LCOR: variants seen among roughly 807,000 people sequenced by gnomAD.
LCOR encodes the protein ligand dependent nuclear receptor corepressor.
In LCOR, 14 loss-of-function variants were observed where a neutral mutation model predicts 64.4. The ratio of observed to expected loss-of-function variants is 0.22; its 90% CI spans 0.14 to 0.34. The LOEUF is 0.34. Ranked by LOEUF, LCOR falls within the 10% of genes least tolerant of loss-of-function variation. The pLI, the probability that LCOR is intolerant of heterozygous loss-of-function variation, is 1.00. For missense variants in LCOR, 1,686 were observed against 1,765.3 expected (o/e 0.96, Z 0.80); for synonymous variants, 643 against 642.5 (o/e 1.00, Z -0.01).
At chr10:96,951,960 A>G in intron 6 of LCOR, 143 bp from the exon 7 acceptor site, 1 of 588,792 alleles carries the variant, frequency 1.7e-6, no homozygotes, top group Non-Finnish European at 3.0e-6. Context: ...TCAGGATTTA[A>G]TTGATTTTAT....
intron 2 of LCOR, among the ~76,000 whole-genome samples, chr10:96,889,041 T>C (rs866730486): frequency 3.0e-4 from 46 of 152,348 alleles, no homozygotes; most frequent in African/African-American, 1.1e-3. Flanking sequence ...AAGGTGTGTA[T>C]AATTCAGGAG....
At chr10:96,961,058 A>G (rs1847871596) in intron 7 of LCOR, 1 of 152,156 alleles carries the variant, frequency 6.6e-6, no homozygotes, top group Admixed American at 6.5e-5. Context: ...AGGGTGGAGT[A>G]GGATGGAAAA....
chr10:96,897,462 A>G (rs948471531), intron 2 of LCOR, among the ~76,000 whole-genome samples: 1 of 152,214 alleles, frequency 6.6e-6, no homozygotes, highest in Admixed American at 6.5e-5. Flanking sequence ...ATTAACCTAG[A>G]CAGTTTGATA....
At chr10:96,916,806 G>T (rs1362211487) in intron 4 of LCOR, among the ~76,000 whole-genome samples, 1 of 151,950 alleles carries the variant, frequency 6.6e-6, no homozygotes, top group Non-Finnish European at 1.5e-5. Flanking sequence ...GTAGAGATGG[G>T]GTTTCACCAT....
chr10:96,844,022 C>A (rs1845584244), intron 2 of LCOR, among the ~76,000 whole-genome samples: 1 of 152,080 alleles, frequency 6.6e-6, no homozygotes, highest in Non-Finnish European at 1.5e-5. Context: ...CGTAATCACT[C>A]AGCTAAAATG....
At chr10:96,873,918 G>A (rs1042509373) in intron 2 of LCOR, among the ~76,000 whole-genome samples, 2 of 152,110 alleles carry the variant, frequency 1.3e-5, no homozygotes, top group Admixed American at 1.3e-4. Context: ...GCATCATGGA[G>A]TTTTTAGAAA....
intron 7 of LCOR, among the ~76,000 whole-genome samples, chr10:96,974,155 T>C (rs1042305856): frequency 2.6e-5 from 4 of 152,258 alleles, no homozygotes; most frequent in African/African-American, 9.6e-5. Context: ...TTATGAATAT[T>C]ATCTTATCCT....
At chr10:96,932,277 T>C (rs892899751) in intron 4 of LCOR, among the ~76,000 whole-genome samples, 7 of 152,060 alleles carry the variant, frequency 4.6e-5, no homozygotes, top group African/African-American at 1.7e-4. Context: ...GCTTGGAAAA[T>C]TAAGTGTTAT....
chr10:96,941,179 A>C (rs1350333472), intron 4 of LCOR, among the ~76,000 whole-genome samples: 1 of 72,538 alleles, frequency 1.4e-5, no homozygotes, highest in African/African-American at 5.8e-5. Context: ...GCGGCTGGCC[A>C]GGCGGGGGGC....
At position 96,873,571 on chromosome 10, in the gene LCOR, C is replaced by CACGTGTGTGT. The variant is rs759335426; in HGVS notation, c.-329-33694_-329-33693insACGTGTGTGT. ...TTGTTTTTCGATACACACACACACACGTGTGTGTGTGTGTGTGTGTGTGTG... is the reference window on the plus strand; with the variant it reads ...TTGTTTTTCGATACACACACACACACACGTGTGTGTGTGTGTGTGTGTGTGTGTGTGTGTG... On this transcript the variant is annotated intron_variant, in intron 2 of 7. Transcript: ENST00000421806. Among the ~76,000 whole-genome samples the CACGTGTGTGT allele has an allele frequency of 1.6e-4, 20 of 126,384 alleles. No individual in the cohort carries two copies. In the East Asian group the frequency reaches 3.6e-3, roughly 23 times the overall value. 82.9% of individuals were successfully genotyped at this position (126,384 alleles called of 152,430 possible).
chr10:96,935,826 T>G (rs1485801997), intron 4 of LCOR, among the ~76,000 whole-genome samples: 2 of 152,110 alleles, frequency 1.3e-5, no homozygotes, highest in African/African-American at 2.4e-5. Context: ...CAGAGCAAGA[T>G]CCTGTCTTTA....
At chr10:96,887,955 A>G (rs932628536) in intron 2 of LCOR, among the ~76,000 whole-genome samples, 19 of 150,656 alleles carry the variant, frequency 1.3e-4, no homozygotes, top group African/African-American at 4.4e-4. Context: ...TGCTGGGATT[A>G]CAGGCATGAA....
chr10:96,869,091 A>T (rs986826993), intron 2 of LCOR, among the ~76,000 whole-genome samples: 5 of 152,022 alleles, frequency 3.3e-5, no homozygotes, highest in Admixed American at 3.3e-4. Flanking sequence ...TTTTTAGTAG[A>T]TACGGGGTTT....
rs1021393203 is a variant in LCOR at position 96,992,112 on chromosome 10, A to G, written c.*6978A>G. 2.0e-5 allele frequency: 3 copies of G among 152,152 alleles called. No individual in the cohort carries two copies. The highest frequency in any genetic ancestry group is 4.8e-5 in the African/African-American group (2 of 41,432). 9.4% of individuals were successfully genotyped at this position (152,152 alleles called of 1,614,324 possible). A position where few individuals can be genotyped will look rare whatever the true frequency, so the allele number is the denominator to read the frequency against. On this transcript the variant is annotated 3_prime_UTR_variant, in exon 8 of 8. Coordinates refer to ENST00000421806, the MANE Select transcript of LCOR (RefSeq NM_001346516.2). ...CAACAAGATTTGCATAATTTTTTAT[A>G]TTTATACCACAGGTAGGGATTATTT...
intron 5 of LCOR, among the ~76,000 whole-genome samples, chr10:96,945,404 T>A (rs564593517): frequency 6.6e-6 from 1 of 152,270 alleles, no homozygotes; most frequent in South Asian, 2.1e-4. Context: ...GCACTTTTTT[T>A]CCCATTTTCT....
At chr10:96,905,846 A>G (rs1332503949) in intron 2 of LCOR, among the ~76,000 whole-genome samples, 1 of 152,198 alleles carries the variant, frequency 6.6e-6, no homozygotes. Flanking sequence ...TATAGTATAG[A>G]AAAACCAGCT....
intron 4 of LCOR, among the ~76,000 whole-genome samples, chr10:96,929,373 C>G (rs1457634094): frequency 6.6e-6 from 1 of 152,240 alleles, no homozygotes. Flanking sequence ...TCACCTTGCA[C>G]TTTTGTTGTT....
At chr10:96,917,789 G>T (rs1846980484) in intron 4 of LCOR, among the ~76,000 whole-genome samples, 1 of 152,190 alleles carries the variant, frequency 6.6e-6, no homozygotes. Flanking sequence ...TCGAAGCTTA[G>T]TGATTACGTA....
At chr10:96,850,520 C>T (rs1029744210) in intron 2 of LCOR, among the ~76,000 whole-genome samples, 3 of 152,126 alleles carry the variant, frequency 2.0e-5, no homozygotes, top group African/African-American at 7.2e-5. Context: ...GAGACAGCAT[C>T]TCTGTCACCC....
Sources: allele counts gnomAD v4.1 joint callset (sites outside exome capture counted in the v4.1 genomes callset), GRCh38; gene constraint gnomAD v4.1.1; transcripts MANE v1.5; gene names NCBI Gene and HGNC (gene_info 2026-07-23, HGNC 2026-07-21).